CD44: variants seen among roughly 807,000 people sequenced by gnomAD.
The protein encoded by CD44 is CD44 molecule (IN blood group), also known as CD44 antigen.
In CD44, 49 loss-of-function variants were observed where a neutral mutation model predicts 88.8. That is an observed-to-expected ratio of 0.55 (90% CI 0.44 to 0.70). The LOEUF is 0.70. Ranked by LOEUF, CD44 falls within the 30% of genes least tolerant of loss-of-function variation. CD44 has a pLI of 0.00. For missense variants in CD44, 883 were observed against 913.8 expected, an observed-to-expected ratio of 0.97 and a Z score of 0.43; for synonymous variants, 325 against 312.3, an observed-to-expected ratio of 1.04 and a Z score of -0.43.
At chr11:35,209,510 A>T (rs1373242971) in intron 12 of CD44, among the ~76,000 whole-genome samples, 1 of 152,150 alleles carries the variant, frequency 6.6e-6, no homozygotes, top group Non-Finnish European at 1.5e-5. Flanking sequence ...TTTTGTGGTT[A>T]CAACTAGACT....
In CD44 at chr11:35,206,669, T is replaced by TG. The variant is rs57972216; in HGVS notation, c.1414+434dup. 3.1e-3 allele frequency among the ~76,000 whole-genome samples: 460 copies of TG among 146,188 alleles called. 2 individuals carry two copies. Among genetic ancestry groups the TG allele is most frequent in the Non-Finnish European group, 4.9e-3 (327 of 66,402 alleles). ...AAAGGAAGTGGGTGGTGGGGGTTGG[T>TG]GGGGGGGGCAGTTTTCCTAAGAAGG... On this transcript the variant is annotated intron_variant, in intron 11 of 17. Coordinates refer to ENST00000428726, the MANE Select transcript of CD44 (RefSeq NM_000610.4).
chr11:35,147,156 A>G (rs896413409), intron 1 of CD44, among the ~76,000 whole-genome samples: 1 of 152,202 alleles, frequency 6.6e-6, no homozygotes, highest in African/African-American at 2.4e-5. Context: ...AAGGTGGCTG[A>G]TTAGTGTTTC....
Position 35,198,263 on chromosome 11 carries a change from A to T in CD44, c.922+17A>T. ...CCAGCACCAGTAAGAATAATCAATT[A>T]CAGTACAGCCATTTATGCAAGGCTT... On this transcript the variant is annotated intron_variant, in intron 7 of 17. Transcript: ENST00000428726. 1 of 1,612,224 alleles carries T rather than the reference A, an allele frequency of 6.2e-7. No individual in the cohort carries two copies. The highest frequency in any genetic ancestry group is 2.2e-5 in the East Asian group (1 of 44,852).
intron 5 of CD44, among the ~76,000 whole-genome samples, chr11:35,193,948 G>A (rs1946500958): frequency 6.6e-6 from 1 of 152,156 alleles, no homozygotes; most frequent in East Asian, 1.9e-4. Flanking sequence ...GCGTGTGGGC[G>A]GAGCTTTGAA....
In CD44 at chr11:35,221,709, C is replaced by T. The variant is rs199709575; in HGVS notation, c.2001C>T (p.Cys667=). The T allele has an allele frequency of 9.3e-6, 15 of 1,613,970 alleles. No individual in the cohort carries two copies. Among genetic ancestry groups the T allele is most frequent in the Non-Finnish European group, 8.5e-7 (1 of 1,179,922 alleles). The change falls in exon 17 of 18, where the codon TGC becomes TGT. Residue 667 remains cysteine, a synonymous_variant. Coordinates refer to ENST00000428726, the MANE Select transcript of CD44 (RefSeq NM_000610.4). ...CCTTGGCTTTGATTCTTGCAGTTTGCATTGCAGTCAACAGTCGAAGAAGGT... is the reference window on the plus strand; with the variant it reads ...CCTTGGCTTTGATTCTTGCAGTTTGTATTGCAGTCAACAGTCGAAGAAGGT... The part of the protein sequence containing the change: ...LLALALILAV[C]IAVNSRRRCG...
chr11:35,176,264 G>C (rs1405928185), intron 1 of CD44, among the ~76,000 whole-genome samples: 2 of 151,862 alleles, frequency 1.3e-5, no homozygotes, highest in Non-Finnish European at 2.9e-5. Flanking sequence ...GGATGGTCTC[G>C]ATCTCCTGAC....
intron 17 of CD44, among the ~76,000 whole-genome samples, chr11:35,226,800 TTAAG>T (rs777210160): frequency 5.9e-5 from 9 of 152,030 alleles, no homozygotes; most frequent in Non-Finnish European, 8.8e-5. Context: ...CTCAGAGAGG[TTAAG>T]TGAGTTGCCC....
chr11:35,212,475 C>T (rs965794441), intron 14 of CD44: 2 of 152,178 alleles, frequency 1.3e-5, no homozygotes, highest in Non-Finnish European at 2.9e-5. Context: ...TGGCTCACCT[C>T]AACCTCCGCC....
At position 35,205,728 on chromosome 11, in the gene CD44, A is replaced by C. The variant is rs114837270; in HGVS notation, c.1283-384A>C. 890 of 922,670 alleles carry C rather than the reference A, an allele frequency of 9.6e-4. 7 individuals carry two copies. The African/African-American group carries it at 0.015, about 16-fold the overall frequency. 57.2% of individuals were successfully genotyped at this position (922,670 alleles called of 1,614,324 possible). ...TCCAGCCTAATGTGCATTTGGCTGG[A>C]ATATGGTTGTCTCAGAATAACATCA... On this transcript the variant is annotated intron_variant, in intron 10 of 17. Transcript: ENST00000428726.
At chr11:35,204,893 T>C (rs1384735369) in intron 10 of CD44, 1 of 375,190 alleles carries the variant, frequency 2.7e-6, no homozygotes, top group African/African-American at 2.1e-5. Context: ...CATGTCTCTT[T>C]CACATCGAGT....
At chr11:35,219,292 G>A in intron 15 of CD44, 24 bp from the exon 16 acceptor site, 1 of 1,595,310 alleles carries the variant, frequency 6.3e-7, no homozygotes, top group Non-Finnish European at 8.6e-7. Context: ...AACTTTGGTT[G>A]AGAGATGTTG....
Position 35,229,291 on chromosome 11 carries a change from G to A in CD44, c.2187G>A (p.Glu729=), listed in dbSNP as rs760882696. 7 of 1,613,800 alleles carry A rather than the reference G, an allele frequency of 4.3e-6. No individual in the cohort carries two copies. In the Admixed American group the frequency reaches 1.2e-4, roughly 27 times the overall value. The change falls in exon 18 of 18, where the codon GAG becomes GAA. Residue 729 remains glutamate, a synonymous_variant. Transcript: ENST00000428726. The stretch of plus-strand genomic sequence containing the variant: ...CAGACCAGTTTATGACAGCTGATGA[G>A]ACAAGGAACCTGCAGAATGTGGACA... The part of the protein sequence containing the change: ...ETPDQFMTAD[E]TRNLQNVDMK...
intron 1 of CD44, among the ~76,000 whole-genome samples, chr11:35,171,379 T>G (rs1234169613): frequency 1.3e-5 from 2 of 152,242 alleles, no homozygotes; most frequent in Admixed American, 6.5e-5. Context: ...TTGGACTTTC[T>G]CATGAGATCA....
intron 16 of CD44, among the ~76,000 whole-genome samples, chr11:35,221,054 C>A (rs748717263): frequency 1.3e-5 from 2 of 152,146 alleles, no homozygotes; most frequent in Non-Finnish European, 2.9e-5. Flanking sequence ...CCACCGCACC[C>A]GGCCTTTCCT....
intron 2 of CD44, among the ~76,000 whole-genome samples, chr11:35,179,493 G>A (rs1480083030): frequency 5.3e-5 from 8 of 152,150 alleles, no homozygotes; most frequent in Non-Finnish European, 1.2e-4. Context: ...GTATCCAGCT[G>A]TAACACACTC....
In CD44 at chr11:35,205,963, C is replaced by T. The variant is rs1025536447; in HGVS notation, c.1283-149C>T. ...AACCCAAAGCTGCTGAAACATTCTGCGTTTATGCAACTTCCTTGCCCTCTA... is the reference window on the plus strand; with the variant it reads ...AACCCAAAGCTGCTGAAACATTCTGTGTTTATGCAACTTCCTTGCCCTCTA... On this transcript the variant is annotated intron_variant, in intron 10 of 17. Transcript: ENST00000428726. 22 of 1,284,710 alleles carry T rather than the reference C, an allele frequency of 1.7e-5. No homozygotes were observed. The African/African-American group carries it at 1.9e-4, about 11-fold the overall frequency. 79.6% of individuals were successfully genotyped at this position (1,284,710 alleles called of 1,614,324 possible).
Position 35,183,114 on chromosome 11 carries a change from G to A in CD44, c.367+2707G>A, listed in dbSNP as rs537404828. 4.6e-5 allele frequency among the ~76,000 whole-genome samples: 7 copies of A among 152,236 alleles called. No individual in the cohort carries two copies. In the East Asian group the frequency reaches 1.4e-3, roughly 29 times the overall value. On this transcript the variant is annotated intron_variant, in intron 3 of 17. Transcript: ENST00000428726. ...GGGTATGTTCCTTACTAAAATGGATGAATTAAATAATAAAGCTAGAAGTAA... is the reference window on the plus strand; with the variant it reads ...GGGTATGTTCCTTACTAAAATGGATAAATTAAATAATAAAGCTAGAAGTAA...
intron 9 of CD44, among the ~76,000 whole-genome samples, chr11:35,203,062 A>G (rs1381822536): frequency 6.6e-6 from 1 of 152,236 alleles, no homozygotes; most frequent in Non-Finnish European, 1.5e-5. Flanking sequence ...GTAACTTGAC[A>G]AAGAGAAGAC....
chr11:35,187,175 G>A (rs1366083528), intron 4 of CD44, among the ~76,000 whole-genome samples: 1 of 152,130 alleles, frequency 6.6e-6, no homozygotes, highest in Non-Finnish European at 1.5e-5. Context: ...TCAGGAGGCT[G>A]AGGCAGGAGA....
Sources: allele counts gnomAD v4.1 joint callset (sites outside exome capture counted in the v4.1 genomes callset), GRCh38; gene constraint gnomAD v4.1.1; transcripts MANE v1.5; gene names NCBI Gene and HGNC (gene_info 2026-07-23, HGNC 2026-07-21).